Variants in FAIM2 observed in about 807,000 individuals in gnomAD.
FAIM2 encodes Fas apoptotic inhibitory molecule 2, also known as protein lifeguard 2.
FAIM2 carries 27 observed loss-of-function variants against 47.4 expected under a neutral mutation model. The ratio of observed to expected loss-of-function variants is 0.57; its 90% CI spans 0.42 to 0.78. FAIM2 has a LOEUF of 0.78. FAIM2 is among the 30% of genes least tolerant of loss of function. The pLI, the probability that FAIM2 is intolerant of heterozygous loss-of-function variation, is 0.00. For synonymous variants in FAIM2, 156 were observed against 159.3 expected, an observed-to-expected ratio of 0.98 and a Z score of 0.16; for missense variants, 311 against 389.4, an observed-to-expected ratio of 0.80 and a Z score of 1.69.
intron 2 of FAIM2, among the ~76,000 whole-genome samples, chr12:49,899,648 T>C (rs187405529): frequency 4.6e-4 from 70 of 152,360 alleles, no homozygotes; most frequent in East Asian, 3.9e-4. Flanking sequence ...TCAGTGTGGA[T>C]ACCGCTTCTT....
In FAIM2 at chr12:49,870,664, TGAG is replaced by T. The variant is rs1592781894; in HGVS notation, c.802-14_802-12del. On this transcript the variant is annotated splice_polypyrimidine_tract_variant and intron_variant, in intron 11 of 11. Coordinates refer to ENST00000320634, the MANE Select transcript of FAIM2 (RefSeq NM_012306.4). ...GTCAAGTGCCAGGAACTGGGAGAAGTGAGGAGAGAGAGAGAGAGGTCAGAGGCC... is the reference window on the plus strand; with the variant it reads ...GTCAAGTGCCAGGAACTGGGAGAAGTGAGAGAGAGAGAGAGGTCAGAGGCC... 5.0e-6 allele frequency: 8 copies of T among 1,612,934 alleles called. No homozygotes were observed. Among genetic ancestry groups the T allele is most frequent in the Admixed American group, 1.7e-5 (1 of 59,944 alleles).
rs200037452 is a variant in FAIM2, at chr12:49,878,850, GTA to G, written c.802-8199_802-8198del. Reference sequence around the variant, plus strand: ...TGTGAGTGTATGTGTGTGCATGTGTGTATGTGTGTGTCTGTGCATGTGAGTGT... The same window carrying G: ...TGTGAGTGTATGTGTGTGCATGTGTGTGTGTGTGTCTGTGCATGTGAGTGT... On this transcript the variant is annotated intron_variant, in intron 11 of 11. Transcript: ENST00000320634. Among the ~76,000 whole-genome samples the G allele has an allele frequency of 5.2e-3, 310 of 59,640 alleles. 67 individuals carry two copies. The highest frequency in any genetic ancestry group is 0.029 in the African/African-American group (286 of 9,936). The allele number at this position is 59,640 out of a possible 152,430, so 39.1% of individuals were successfully genotyped here. A position where few individuals can be genotyped will look rare whatever the true frequency, so the allele number is the denominator to read the frequency against.
At chr12:49,898,138 AATT>A (rs1294565152) in intron 2 of FAIM2, 48 bp from the exon 3 acceptor site, 1 of 1,375,246 alleles carries the variant, frequency 7.3e-7, no homozygotes, top group Non-Finnish European at 1.0e-6. Flanking sequence ...CCCTACATAG[AATT>A]ACTGTCCCCA....
rs776668988 is a variant in FAIM2, at chr12:49,901,185, G to T, written c.156C>A (p.Phe52Leu). The part of the protein sequence containing the change: ...TSGEGMKAGA[F>L]PPAPTAVPLH... ...GAGGCACCGCTGTGGGGGCTGGGGGGAAGGCCCCTGCCTTCATCCCCTCCC... is the reference window on the plus strand; with the variant it reads ...GAGGCACCGCTGTGGGGGCTGGGGGTAAGGCCCCTGCCTTCATCCCCTCCC... The change falls in exon 2 of 12, where the codon TTC becomes TTA. Residue 52 changes from phenylalanine (F) to leucine (L), a missense_variant. By Grantham distance (22) the Phe-to-Leu change is conservative. Transcript: ENST00000320634. The T allele has an allele frequency of 1.2e-6, 2 of 1,608,726 alleles. No homozygotes were observed. The highest frequency in any genetic ancestry group is 2.3e-5 in the East Asian group (1 of 44,142).
intron 11 of FAIM2, among the ~76,000 whole-genome samples, chr12:49,878,600 G>GTGTGCATGTGTATGTGCA (rs1555157976): frequency 2.4e-5 from 3 of 124,328 alleles, no homozygotes; most frequent in African/African-American, 1.0e-4. Flanking sequence ...GTATGTGTAT[G>GTGTGCATGTGTATGTGCA]TGTGCATGTG....
chr12:49,901,552 G>A, intron 1 of FAIM2: 1 of 437,658 alleles, frequency 2.3e-6, no homozygotes, highest in Non-Finnish European at 4.0e-6. Flanking sequence ...TAGGAACAGA[G>A]GAAAGAGAAA....
chr12:49,895,763 G>A (rs1266098348), intron 5 of FAIM2, among the ~76,000 whole-genome samples: 2 of 152,178 alleles, frequency 1.3e-5, no homozygotes, highest in Non-Finnish European at 2.9e-5. Context: ...CTCTGGGCTC[G>A]ACGTGGTCCA....
rs546045403 is a variant in FAIM2, at chr12:49,870,249, A to G, written c.*255T>C. 5.1e-6 allele frequency: 2 copies of G among 388,656 alleles called. No homozygotes were observed. Among genetic ancestry groups the G allele is most frequent in the South Asian group, 3.9e-5 (1 of 25,530 alleles). The allele number at this position is 388,656 out of a possible 1,614,324, so 24.1% of individuals were successfully genotyped here. A position where few individuals can be genotyped will look rare whatever the true frequency, so the allele number is the denominator to read the frequency against. On this transcript the variant is annotated 3_prime_UTR_variant, in exon 12 of 12. Coordinates refer to ENST00000320634, the MANE Select transcript of FAIM2 (RefSeq NM_012306.4). The stretch of plus-strand genomic sequence containing the variant: ...GACCCTCAAACCCAGAGGAGCCTTC[A>G]GCCTTGACCGTCCCAGTTTGGAAGA...
chr12:49,877,355 T>A (rs1946743371), intron 11 of FAIM2, among the ~76,000 whole-genome samples: 1 of 152,190 alleles, frequency 6.6e-6, no homozygotes, highest in South Asian at 2.1e-4. Flanking sequence ...TTCCAGGTTG[T>A]CTGGGTGGGG....
chr12:49,896,014 G>C (rs11836450), intron 5 of FAIM2, among the ~76,000 whole-genome samples: 6,194 of 152,290 alleles, frequency 0.041, 432 homozygotes, highest in African/African-American at 0.14. Context: ...TAAGCCACTT[G>C]TCTCCTGGGA....
intron 11 of FAIM2, among the ~76,000 whole-genome samples, chr12:49,880,590 G>T (rs1411763154): frequency 2.0e-5 from 3 of 150,198 alleles, no homozygotes; most frequent in African/African-American, 7.4e-5. Flanking sequence ...GTGTATATGT[G>T]CATGTGTATG....
rs542311061 is a variant in FAIM2 at position 49,898,891 on chromosome 12, C to T, written c.212-801G>A. On this transcript the variant is annotated intron_variant, in intron 2 of 11. Coordinates refer to ENST00000320634, the MANE Select transcript of FAIM2 (RefSeq NM_012306.4). ...TGGGGACTGGTTGGCTGTGGTGGAC[C>T]GCTGGTACTCCAGCTGGAAACCAGG... Among the ~76,000 whole-genome samples the T allele has an allele frequency of 4.0e-3, 605 of 151,740 alleles. 5 individuals are homozygous for T. Among genetic ancestry groups the T allele is most frequent in the Non-Finnish European group, 6.7e-3 (452 of 67,930 alleles).
At chr12:49,888,219 T>C (rs1281844588) in intron 10 of FAIM2, among the ~76,000 whole-genome samples, 1 of 152,134 alleles carries the variant, frequency 6.6e-6, no homozygotes, top group Non-Finnish European at 1.5e-5. Context: ...AGGCCAGCTC[T>C]GGCCCCTCCC....
At chr12:49,884,497 A>G in intron 11 of FAIM2, among the ~76,000 whole-genome samples, 1 of 152,222 alleles carries the variant, frequency 6.6e-6, no homozygotes, top group South Asian at 2.1e-4. Context: ...AGAGGGCAAT[A>G]CTGATGACAG....
intron 11 of FAIM2, among the ~76,000 whole-genome samples, chr12:49,880,974 A>G (rs191769937): frequency 5.9e-5 from 9 of 152,154 alleles, no homozygotes; most frequent in East Asian, 1.9e-4. Context: ...GGTCCCTGCC[A>G]GCTCTGAGGG....
rs1565613164 is a variant in FAIM2 at position 49,878,387 on chromosome 12, T to TGTGTGTGTGC, written c.802-7735_802-7734insGCACACACAC. Among the ~76,000 whole-genome samples the TGTGTGTGTGC allele has an allele frequency of 4.8e-4, 16 of 33,518 alleles. 1 individual carries two copies. Among genetic ancestry groups the TGTGTGTGTGC allele is most frequent in the Non-Finnish European group, 6.7e-4 (12 of 17,876 alleles). The allele number at this position is 33,518 out of a possible 152,430, so 22.0% of individuals were successfully genotyped here. On this transcript the variant is annotated intron_variant, in intron 11 of 11. Coordinates refer to ENST00000320634, the MANE Select transcript of FAIM2 (RefSeq NM_012306.4). ...ATATGTGGGCATGTGCATGTGTGTA[T>TGTGTGTGTGC]ATGTGTGTGTCTGTGTGCATGTGAG... is the stretch of plus-strand genomic sequence containing the variant.
At chr12:49,878,438 G>C (rs1946761134) in intron 11 of FAIM2, among the ~76,000 whole-genome samples, 1 of 131,200 alleles carries the variant, frequency 7.6e-6, no homozygotes, top group South Asian at 2.8e-4. Context: ...ATGTGCAAGT[G>C]TGTGTCTGAG....
At chr12:49,899,936 A>G (rs372709520) in intron 2 of FAIM2, among the ~76,000 whole-genome samples, 126 of 152,356 alleles carry the variant, frequency 8.3e-4, no homozygotes, top group African/African-American at 2.8e-3. Flanking sequence ...CAGTCCTAGC[A>G]ACGAGGATAT....
rs1210307129 is a variant in FAIM2, at chr12:49,874,403, G to A, written c.802-3750C>T. 6.6e-6 allele frequency among the ~76,000 whole-genome samples: 1 copy of A among 152,220 alleles called. No individual in the cohort carries two copies. The highest frequency in any genetic ancestry group is 2.4e-5 in the African/African-American group (1 of 41,454). On this transcript the variant is annotated intron_variant, in intron 11 of 11. Coordinates refer to ENST00000320634, the MANE Select transcript of FAIM2 (RefSeq NM_012306.4). The surrounding 1 kb of genome is among the most constrained non-coding windows in gnomAD (Gnocchi z 4.2). ...CTGCTTATCGAGTGCCGTCTCCTAT[G>A]CTGGTGGAGATAGGGGAGGAGTGGG...
Sources: gnomAD v4.1 joint callset for allele counts (sites outside exome capture counted in the v4.1 genomes callset) on GRCh38, gnomAD v4.1.1 for gene constraint, Gnocchi (gnomAD v3.1) non-coding constraint, MANE v1.5 for transcripts, NCBI Gene and HGNC (gene_info 2026-07-23, HGNC 2026-07-21) for gene names.